COG5: variants seen among roughly 807,000 people sequenced by gnomAD.
COG5 encodes the protein conserved oligomeric Golgi complex subunit 5.
A neutral mutation model predicts 110.4 loss-of-function variants in COG5; 86 were observed. The ratio of observed to expected loss-of-function variants is 0.78; its 90% CI spans 0.65 to 0.93. The LOEUF is 0.93. COG5 is among the 40% of genes least tolerant of loss of function. The probability of loss-of-function intolerance (pLI) is 0.00; values close to 1 mark genes in which losing one functional copy is unlikely to be tolerated. For missense variants in COG5, 1,077 were observed against 987.0 expected (o/e 1.09, Z -1.22); for synonymous variants, 360 against 334.6 (o/e 1.08, Z -0.83).
chr7:107,496,643 G>C (rs1798288372), intron 6 of COG5, among the ~76,000 whole-genome samples: 1 of 145,906 alleles, frequency 6.9e-6, no homozygotes. Flanking sequence ...CTGGGTGACA[G>C]TGAGACTCTG....
At chr7:107,382,064 G>A (rs1815170806) in intron 7 of COG5, among the ~76,000 whole-genome samples, 1 of 152,212 alleles carries the variant, frequency 6.6e-6, no homozygotes, top group Non-Finnish European at 1.5e-5. Flanking sequence ...GGAAGGGTAT[G>A]CTTCTCTTTA....
chr7:107,349,786 C>G (rs1811974277), intron 10 of COG5, among the ~76,000 whole-genome samples: 1 of 152,160 alleles, frequency 6.6e-6, no homozygotes, highest in South Asian at 2.1e-4. Context: ...TCTCGATCTC[C>G]TGACCTGGTG....
intron 7 of COG5, among the ~76,000 whole-genome samples, chr7:107,394,102 C>T (rs549523430): frequency 2.0e-5 from 3 of 151,960 alleles, no homozygotes; most frequent in Non-Finnish European, 2.9e-5. Flanking sequence ...GCTGGGACTA[C>T]AGGCACCCGC....
intron 10 of COG5, among the ~76,000 whole-genome samples, chr7:107,325,953 G>T (rs1809729739): frequency 6.6e-6 from 1 of 152,094 alleles, no homozygotes; most frequent in African/African-American, 2.4e-5. Context: ...AGATTCCTAA[G>T]ATTTTATGTA....
At chr7:107,324,605 A>G (rs960273069) in intron 10 of COG5, 84 bp from the exon 11 acceptor site, 2 of 680,008 alleles carry the variant, frequency 2.9e-6, no homozygotes, top group Middle Eastern at 7.1e-4. Context: ...GTAACCTTGA[A>G]AAGTTATTTA....
intron 17 of COG5, among the ~76,000 whole-genome samples, chr7:107,247,013 T>C (rs971178613): frequency 6.6e-6 from 1 of 152,216 alleles, no homozygotes; most frequent in Non-Finnish European, 1.5e-5. Flanking sequence ...TTGTGGTACA[T>C]ATACACCATG....
At position 107,213,541 on chromosome 7, in the gene COG5, G is replaced by A. The variant is rs576325214; in HGVS notation, c.2169-2316C>T. On this transcript the variant is annotated intron_variant, in intron 19 of 21. Transcript: ENST00000297135. ...CCAACAGGGAAATACACTTTGTGACGCTGCCAGATATTAGAAGCAATCACA... is the reference window on the plus strand; with the variant it reads ...CCAACAGGGAAATACACTTTGTGACACTGCCAGATATTAGAAGCAATCACA... Among the ~76,000 whole-genome samples the A allele has an allele frequency of 3.3e-5, 5 of 152,280 alleles. 1 individual carries two copies. The highest frequency in any genetic ancestry group is 3.9e-4 in the East Asian group (2 of 5,186).
intron 17 of COG5, among the ~76,000 whole-genome samples, chr7:107,245,903 C>A (rs1161464324): frequency 1.3e-5 from 2 of 152,130 alleles, no homozygotes; most frequent in African/African-American, 2.4e-5. Context: ...GCCTGAATAG[C>A]CAAGGCAATC....
At chr7:107,380,050 A>G (rs1469140367) in intron 7 of COG5, among the ~76,000 whole-genome samples, 1 of 152,236 alleles carries the variant, frequency 6.6e-6, no homozygotes, top group Non-Finnish European at 1.5e-5. Flanking sequence ...AGCAAATGCA[A>G]AAGAACGGAA....
intron 7 of COG5, among the ~76,000 whole-genome samples, chr7:107,382,237 AG>A (rs1222519553): frequency 2.6e-5 from 4 of 152,108 alleles, no homozygotes; most frequent in Non-Finnish European, 4.4e-5. Flanking sequence ...GGACCTTAAG[AG>A]GAGAGGCTCA....
intron 11 of COG5, among the ~76,000 whole-genome samples, chr7:107,300,031 C>T (rs12532447): frequency 0.17 from 25,155 of 151,158 alleles, 2,404 homozygotes; most frequent in Non-Finnish European, 0.22. Flanking sequence ...AGCTTAATGT[C>T]TGAAAATCAA....
At chr7:107,400,603 C>G (rs141562923) in intron 7 of COG5, among the ~76,000 whole-genome samples, 5 of 151,936 alleles carry the variant, frequency 3.3e-5, no homozygotes, top group African/African-American at 4.8e-5. Context: ...AAATTTAGTC[C>G]GTTATTGAAA....
At chr7:107,295,034 C>CAT (rs1174827677) in intron 12 of COG5, among the ~76,000 whole-genome samples, 4 of 82,470 alleles carry the variant, frequency 4.9e-5, no homozygotes, top group East Asian at 3.3e-4. Context: ...TATACACACA[C>CAT]ATATACACAC....
intron 11 of COG5, among the ~76,000 whole-genome samples, chr7:107,299,873 A>AATATATATATATAT (rs145472519): frequency 2.4e-4 from 30 of 124,452 alleles, no homozygotes; most frequent in South Asian, 1.8e-3. Context: ...AATTATCTGG[A>AATATATATATATAT]ATATATATAT....
intron 11 of COG5, among the ~76,000 whole-genome samples, chr7:107,301,473 C>T (rs1807262259): frequency 6.6e-6 from 1 of 151,968 alleles, no homozygotes; most frequent in African/African-American, 2.4e-5. Flanking sequence ...GGCAAACAAA[C>T]ACATGAAAAA....
At chr7:107,563,603 C>A in intron 1 of COG5, 200 bp downstream of exon 1, 1 of 625,450 alleles carries the variant, frequency 1.6e-6, no homozygotes, top group Non-Finnish European at 2.9e-6. Context: ...GTCCCCAAGA[C>A]TCCAGAAAAG....
At chr7:107,502,439 G>C (rs1798696513) in intron 6 of COG5, among the ~76,000 whole-genome samples, 1 of 152,030 alleles carries the variant, frequency 6.6e-6, no homozygotes, top group Non-Finnish European at 1.5e-5. Context: ...CATTTAGGTG[G>C]GTTCCATATC....
chr7:107,463,716 G>A (rs1254354614), intron 6 of COG5, among the ~76,000 whole-genome samples: 5 of 152,150 alleles, frequency 3.3e-5, no homozygotes, highest in Non-Finnish European at 5.9e-5. Context: ...GCTGCCAGGA[G>A]ACTACATTAT....
At chr7:107,489,503 A>C (rs1484418509) in intron 6 of COG5, among the ~76,000 whole-genome samples, 1 of 152,202 alleles carries the variant, frequency 6.6e-6, no homozygotes, top group Non-Finnish European at 1.5e-5. Context: ...TTTGTCTTAC[A>C]GAAGTCTGAT....
Sources: allele counts gnomAD v4.1 joint callset (sites outside exome capture counted in the v4.1 genomes callset), GRCh38; gene constraint gnomAD v4.1.1; transcripts MANE v1.5; gene names NCBI Gene and HGNC (gene_info 2026-07-23, HGNC 2026-07-21).